Variants in ZNF723 observed in about 807,000 individuals in gnomAD.
ZNF723 encodes the protein zinc finger protein 723, pseudogene.
In ZNF723, 5 loss-of-function variants were observed where a neutral mutation model predicts 9.4. The ratio of observed to expected loss-of-function variants is 0.53; its 90% CI spans 0.28 to 1.12. ZNF723 has a LOEUF of 1.12. ZNF723 is among the 50% of genes most tolerant of loss of function. The pLI is 0.10. For missense variants in ZNF723, 450 were observed against 501.5 expected, an observed-to-expected ratio of 0.90 and a Z score of 0.98; for synonymous variants, 158 against 168.8, an observed-to-expected ratio of 0.94 and a Z score of 0.49.
chr19:22,840,058 TCTG>T (rs1967221690), intron 1 of ZNF723, among the ~76,000 whole-genome samples: 1 of 152,248 alleles, frequency 6.6e-6, no homozygotes, highest in African/African-American at 2.4e-5. Context: ...ATTATTCTAT[TCTG>T]TAGGTTGTCT....
chr19:22,854,096 A>G (rs796328370), intron 3 of ZNF723, among the ~76,000 whole-genome samples: 1 of 115,074 alleles, frequency 8.7e-6, no homozygotes, highest in African/African-American at 3.2e-5. Context: ...ATTGCTCTCT[A>G]TGTGTTTCTT....
At chr19:22,831,658 C>CCCAG (rs1279094741), upstream of ZNF723, among the ~76,000 whole-genome samples, 1 of 151,994 alleles carries the variant, frequency 6.6e-6, no homozygotes, top group Non-Finnish European at 1.5e-5. Flanking sequence ...CGCCTGTAAT[C>CCCAG]CCAGCACTTT....
the ZNF723 span, among the ~76,000 whole-genome samples, chr19:22,821,538 A>G: frequency 6.6e-6 from 1 of 152,016 alleles, no homozygotes; most frequent in African/African-American, 2.4e-5. Flanking sequence ...TCCTGGGCCC[A>G]GTACCCAGGT....
intron 1 of ZNF723, among the ~76,000 whole-genome samples, chr19:22,841,131 T>A (rs1967240167): frequency 6.6e-6 from 1 of 152,192 alleles, no homozygotes; most frequent in Non-Finnish European, 1.5e-5. Flanking sequence ...AAAATATAAA[T>A]AGCCAAAAAG....
the ZNF723 span, among the ~76,000 whole-genome samples, chr19:22,825,996 AG>A: frequency 6.6e-6 from 1 of 152,202 alleles, no homozygotes; most frequent in Non-Finnish European, 1.5e-5. Context: ...CCTTGCTCAC[AG>A]GGGACATTTT....
intron 1 of ZNF723, among the ~76,000 whole-genome samples, chr19:22,837,296 GAAAGAAA>G (rs1176109534): frequency 5.3e-4 from 79 of 150,218 alleles, no homozygotes; most frequent in Non-Finnish European, 9.9e-4. Flanking sequence ...AAAAAAGAAA[GAAAGAAA>G]AAAGAAAAGA....
chr19:22,813,618 G>A, the ZNF723 span, among the ~76,000 whole-genome samples: 35 of 151,794 alleles, frequency 2.3e-4, no homozygotes, highest in African/African-American at 8.4e-4. Flanking sequence ...GCGGGTGTCT[G>A]TAATCACAGC....
chr19:22,833,161 T>C (rs1039271359), intron 1 of ZNF723, among the ~76,000 whole-genome samples: 1 of 152,188 alleles, frequency 6.6e-6, no homozygotes, highest in Admixed American at 6.5e-5. Flanking sequence ...TTTCTTTTTT[T>C]TCTTTTTTTG....
chr19:22,831,301 AATCCCAGT>A (rs1254656960), upstream of ZNF723, among the ~76,000 whole-genome samples: 1 of 152,130 alleles, frequency 6.6e-6, no homozygotes, highest in East Asian at 1.9e-4. Context: ...TCACTCCTGC[AATCCCAGT>A]ATTTTGGGAG....
upstream of ZNF723, among the ~76,000 whole-genome samples, chr19:22,829,389 G>C (rs1967070179): frequency 6.6e-6 from 1 of 151,598 alleles, no homozygotes; most frequent in South Asian, 2.1e-4. Context: ...GGGTTCAAGT[G>C]ATTATCCTGC....
upstream of ZNF723, among the ~76,000 whole-genome samples, chr19:22,827,587 A>G (rs1028220722): frequency 2.0e-5 from 3 of 152,064 alleles, no homozygotes; most frequent in African/African-American, 7.2e-5. Context: ...GGCTGGGATT[A>G]TAGGTACGCA....
At chr19:22,848,734 TTTA>T (rs1439385683) in intron 2 of ZNF723, among the ~76,000 whole-genome samples, 27 of 20,448 alleles carry the variant, frequency 1.3e-3, no homozygotes, top group African/African-American at 1.7e-3. Flanking sequence ...AATTATTTTA[TTTA>T]TTTATTTATT....
chr19:22,849,929 C>G (rs2145224956), intron 3 of ZNF723, among the ~76,000 whole-genome samples: 1 of 152,108 alleles, frequency 6.6e-6, no homozygotes, highest in South Asian at 2.1e-4. Flanking sequence ...AAAAAAGAAA[C>G]AAAAACCTAT....
chr19:22,844,356 A>G (rs1967282664), intron 1 of ZNF723, among the ~76,000 whole-genome samples: 2 of 152,146 alleles, frequency 1.3e-5, no homozygotes, highest in Non-Finnish European at 2.9e-5. Flanking sequence ...ATTTGTCTAC[A>G]TTTAGCTTTT....
chr19:22,853,626 A>G (rs1244067620), intron 3 of ZNF723, among the ~76,000 whole-genome samples: 3 of 151,918 alleles, frequency 2.0e-5, no homozygotes, highest in Non-Finnish European at 2.9e-5. Flanking sequence ...TCGTGTGAGT[A>G]TTTATTTATT....
chr19:22,832,716 C>G (rs1288223629), intron 1 of ZNF723, among the ~76,000 whole-genome samples: 1 of 152,176 alleles, frequency 6.6e-6, no homozygotes, highest in East Asian at 1.9e-4. Context: ...TGAGGAGTTC[C>G]TGAATGGGAG....
intron 3 of ZNF723, 52 bp from the exon 4 acceptor site, chr19:22,857,066 A>G (rs1967489023): frequency 1.5e-6 from 1 of 667,574 alleles, no homozygotes; most frequent in Non-Finnish European, 2.5e-6. Flanking sequence ...TGTAAAGTAT[A>G]TCCATCTGAG....
At chr19:22,840,045 CAT>C (rs1568404194) in intron 1 of ZNF723, among the ~76,000 whole-genome samples, 1 of 152,236 alleles carries the variant, frequency 6.6e-6, no homozygotes, top group Non-Finnish European at 1.5e-5. Flanking sequence ...AGTTTGCAAA[CAT>C]ATTATTCTAT....
intron 3 of ZNF723, among the ~76,000 whole-genome samples, chr19:22,851,251 A>C (rs1452686341): frequency 6.6e-6 from 1 of 151,910 alleles, no homozygotes; most frequent in South Asian, 2.1e-4. Context: ...GGCTCACTGC[A>C]ACCACTGCCT....
Sources: gnomAD v4.1 joint callset for allele counts (sites outside exome capture counted in the v4.1 genomes callset) on GRCh38, gnomAD v4.1.1 for gene constraint, MANE v1.5 for transcripts, NCBI Gene and HGNC (gene_info 2026-07-23, HGNC 2026-07-21) for gene names.